SOX6: variants seen among roughly 807,000 people sequenced by gnomAD.
SOX6 encodes SRY-box transcription factor 6.
A neutral mutation model predicts 97.8 loss-of-function variants in SOX6; 11 were observed. That is an observed-to-expected ratio of 0.11 (90% confidence interval 0.07 to 0.19). SOX6 has a LOEUF of 0.19. Ranked by LOEUF, SOX6 falls within the 10% of genes least tolerant of loss-of-function variation. The pLI is 1.00. For missense variants in SOX6, 810 were observed against 1,039.5 expected, an observed-to-expected ratio of 0.78 and a Z score of 3.04; for synonymous variants, 360 against 371.4, an observed-to-expected ratio of 0.97 and a Z score of 0.35.
intron 1 of SOX6, among the ~76,000 whole-genome samples, chr11:16,367,685 A>G (rs753085222): frequency 6.6e-6 from 1 of 152,184 alleles, no homozygotes; most frequent in Non-Finnish European, 1.5e-5. Context: ...AATAAAATGC[A>G]TGATTTACAA....
intron 4 of SOX6, among the ~76,000 whole-genome samples, chr11:16,514,887 T>A (rs1423326722): frequency 6.6e-6 from 1 of 151,888 alleles, no homozygotes; most frequent in Non-Finnish European, 1.5e-5. Context: ...CATCATTTTT[T>A]ATGGCTGCAT....
intron 11 of SOX6, among the ~76,000 whole-genome samples, chr11:16,047,698 T>C (rs899925008): frequency 1.5e-5 from 2 of 129,708 alleles, no homozygotes; most frequent in African/African-American, 5.7e-5. Flanking sequence ...AATCATTTCA[T>C]AGCGTGTGTG....
At chr11:16,465,124 C>A (rs1450200770) in intron 1 of SOX6, among the ~76,000 whole-genome samples, 1 of 152,084 alleles carries the variant, frequency 6.6e-6, no homozygotes, top group Non-Finnish European at 1.5e-5. Context: ...ACTCCAAGGC[C>A]CTCAAAGTTT....
chr11:16,545,426 C>G (rs1032268481), intron 4 of SOX6, among the ~76,000 whole-genome samples: 2 of 150,160 alleles, frequency 1.3e-5, no homozygotes, highest in Admixed American at 1.3e-4. Context: ...ATGATAAAAA[C>G]TCTCAACAAA....
chr11:16,369,038 C>T (rs1040064042), intron 1 of SOX6, among the ~76,000 whole-genome samples: 16 of 151,824 alleles, frequency 1.1e-4, no homozygotes, highest in African/African-American at 3.4e-4. Flanking sequence ...CAAGACTAGC[C>T]TGGGCAACAT....
chr11:16,362,435 T>C (rs192487609), intron 1 of SOX6, among the ~76,000 whole-genome samples: 6 of 152,226 alleles, frequency 3.9e-5, no homozygotes, highest in Admixed American at 3.3e-4. Flanking sequence ...GGTACCACCA[T>C]AGTTGTGTGA....
chr11:16,529,024 G>A (rs930590113), intron 4 of SOX6, among the ~76,000 whole-genome samples: 1 of 152,010 alleles, frequency 6.6e-6, no homozygotes. Flanking sequence ...TGGACAGGCT[G>A]CTCTCAACAC....
intron 15 of SOX6, among the ~76,000 whole-genome samples, chr11:15,979,065 A>ATATAT (rs59143054): frequency 2.8e-5 from 4 of 140,604 alleles, no homozygotes; most frequent in African/African-American, 1.1e-4. Flanking sequence ...ATATATATAT[A>ATATAT]AAACTGCTTA....
At chr11:16,306,255 T>C (rs775700955) in intron 3 of SOX6, among the ~76,000 whole-genome samples, 6 of 152,202 alleles carry the variant, frequency 3.9e-5, no homozygotes, top group Non-Finnish European at 8.8e-5. Flanking sequence ...CTCTGTATTA[T>C]TTCCTATAGC....
intron 3 of SOX6, among the ~76,000 whole-genome samples, chr11:16,681,449 C>G (rs894076048): frequency 2.0e-5 from 3 of 152,184 alleles, no homozygotes. Flanking sequence ...CTCCGGGACA[C>G]ATTTAAAGCA....
intron 4 of SOX6, among the ~76,000 whole-genome samples, chr11:16,602,178 T>C (rs1249811807): frequency 2.0e-4 from 30 of 152,066 alleles, no homozygotes; most frequent in Non-Finnish European, 1.5e-5. Context: ...AAACATCAAA[T>C]AAAAGCAACA....
intron 13 of SOX6, among the ~76,000 whole-genome samples, chr11:15,991,582 ATAT>A (rs1050539966): frequency 1.2e-4 from 18 of 152,242 alleles, no homozygotes; most frequent in Non-Finnish European, 1.9e-4. Context: ...AAACATTTCA[ATAT>A]TATTCTAAGT....
chr11:16,408,877 C>T (rs542035775), intron 1 of SOX6: 2 of 152,110 alleles, frequency 1.3e-5, no homozygotes, highest in East Asian at 3.9e-4. Flanking sequence ...CTAAAACTAA[C>T]CCCAAGGAAA....
intron 4 of SOX6, among the ~76,000 whole-genome samples, chr11:16,531,612 T>A (rs1281734482): frequency 1.3e-5 from 2 of 151,828 alleles, no homozygotes; most frequent in Admixed American, 1.3e-4. Flanking sequence ...TGGATATAAA[T>A]CCAGGTCTTC....
intron 4 of SOX6, among the ~76,000 whole-genome samples, chr11:16,582,078 A>G (rs1305883894): frequency 6.6e-6 from 1 of 152,128 alleles, no homozygotes; most frequent in Non-Finnish European, 1.5e-5. Context: ...TAAATACCAC[A>G]TGTTCTCATT....
rs575830001 is a variant in SOX6, at chr11:16,334,981, A to G, written c.237+6031T>C. On this transcript the variant is annotated intron_variant, in intron 2 of 15. Coordinates refer to ENST00000683767, the MANE Select transcript of SOX6 (RefSeq NM_001367873.1). ...CAGTGCACATTATCAGGGTGTAAAAATATAAAGGAAATCAATGTGTCAACA... is the reference window on the plus strand; with the variant it reads ...CAGTGCACATTATCAGGGTGTAAAAGTATAAAGGAAATCAATGTGTCAACA... Among the ~76,000 whole-genome samples the G allele has an allele frequency of 2.0e-5, 3 of 152,180 alleles. No individual in the cohort carries two copies. In the South Asian group the frequency reaches 6.2e-4, roughly 32 times the overall value.
At chr11:16,164,788 T>C (rs1850842201) in intron 6 of SOX6, among the ~76,000 whole-genome samples, 1 of 145,924 alleles carries the variant, frequency 6.9e-6, no homozygotes, top group Non-Finnish European at 1.5e-5. Flanking sequence ...ACCACTGCAC[T>C]CCAGCCTGAG....
At chr11:15,981,250 A>G (rs1333761379) in intron 15 of SOX6, among the ~76,000 whole-genome samples, 1 of 152,054 alleles carries the variant, frequency 6.6e-6, no homozygotes, top group East Asian at 1.9e-4. Context: ...TCAAAACAAC[A>G]TTTGTGGATG....
intron 3 of SOX6, among the ~76,000 whole-genome samples, chr11:16,712,783 T>C (rs1848191492): frequency 6.6e-6 from 1 of 152,238 alleles, no homozygotes; most frequent in Non-Finnish European, 1.5e-5. Flanking sequence ...TAGTTGTCTT[T>C]TTATTGTCTA....
Sources: allele counts gnomAD v4.1 joint callset (sites outside exome capture counted in the v4.1 genomes callset), GRCh38; gene constraint gnomAD v4.1.1; transcripts MANE v1.5; gene names NCBI Gene and HGNC (gene_info 2026-07-23, HGNC 2026-07-21).